Variants in TRMT44 observed in about 807,000 individuals in gnomAD.
The protein encoded by TRMT44 is tRNA methyltransferase 44 homolog.
A neutral mutation model predicts 77.3 loss-of-function variants in TRMT44; 78 were observed. That is an observed-to-expected ratio of 1.01 (90% CI 0.84 to 1.22). The LOEUF is 1.22. Ranked by LOEUF, TRMT44 falls within the 50% of genes most tolerant of loss-of-function variation. TRMT44 has a pLI of 0.00. For missense variants in TRMT44, 1,090 were observed against 964.4 expected (o/e 1.13, Z -1.73); for synonymous variants, 391 against 383.3 (o/e 1.02, Z -0.23).
intron 2 of TRMT44, among the ~76,000 whole-genome samples, chr4:8,490,612 T>C (rs1052178171): frequency 6.6e-6 from 1 of 152,090 alleles, no homozygotes; most frequent in Non-Finnish European, 1.5e-5. Context: ...GTGGTCTCTC[T>C]GGCTTCAGGA....
At chr4:8,470,695 G>A (rs1726921001) in intron 9 of TRMT44, among the ~76,000 whole-genome samples, 3 of 152,218 alleles carry the variant, frequency 2.0e-5, no homozygotes, top group Admixed American at 2.0e-4. Context: ...GGAAGGCTCA[G>A]GCCCCAGGCT....
intron 8 of TRMT44, among the ~76,000 whole-genome samples, chr4:8,466,980 C>T (rs904449601): frequency 3.9e-5 from 6 of 152,226 alleles, no homozygotes; most frequent in African/African-American, 1.4e-4. Flanking sequence ...TCACCCGCGC[C>T]TGGCCTTGTA....
At chr4:8,506,435 A>G in the TRMT44 span, among the ~76,000 whole-genome samples, 1 of 152,224 alleles carries the variant, frequency 6.6e-6, no homozygotes, top group African/African-American at 2.4e-5. Context: ...AAAACAAAGA[A>G]GCCCTCAGCC....
intron 2 of TRMT44, among the ~76,000 whole-genome samples, chr4:8,487,543 G>A (rs1312361466): frequency 4.0e-5 from 6 of 151,712 alleles, no homozygotes; most frequent in Non-Finnish European, 7.4e-5. Context: ...GTAAGAGGTC[G>A]GGCCATGGAA....
At chr4:8,501,393 G>A in the TRMT44 span, among the ~76,000 whole-genome samples, 1 of 152,130 alleles carries the variant, frequency 6.6e-6, no homozygotes, top group Non-Finnish European at 1.5e-5. This position sits in a 1 kb window ranked among gnomAD's most constrained non-coding sequence, Gnocchi z 4.4. Context: ...GGATGTCCTG[G>A]GTTCAAATTC....
At chr4:8,466,496 G>C (rs73213424) in intron 8 of TRMT44, among the ~76,000 whole-genome samples, 8,832 of 152,326 alleles carry the variant, frequency 0.058, 372 homozygotes, top group Non-Finnish European at 0.089. Context: ...AGCAGCGTTG[G>C]CTTGTGGCAC....
chr4:8,475,374 C>T (rs978655818), intron 10 of TRMT44, among the ~76,000 whole-genome samples: 7 of 152,324 alleles, frequency 4.6e-5, no homozygotes, highest in East Asian at 3.9e-4. Context: ...GAGGGAAGGT[C>T]GGTGGCCTCA....
intron 5 of TRMT44, chr4:8,454,429 C>T (rs1355082370): frequency 1.8e-5 from 6 of 330,254 alleles, no homozygotes; most frequent in African/African-American, 6.1e-5. Flanking sequence ...CTCTTAGAGG[C>T]GTAGGCAAAT....
chr4:8,441,771 T>G (rs1724723414), intron 1 of TRMT44, among the ~76,000 whole-genome samples: 1 of 152,112 alleles, frequency 6.6e-6, no homozygotes, highest in Admixed American at 6.5e-5. Context: ...GTACTCAAAG[T>G]CCGGTGGCGA....
At chr4:8,508,896 G>A in the TRMT44 span, 1 of 153,112 alleles carries the variant, frequency 6.5e-6, no homozygotes, top group African/African-American at 2.4e-5. Flanking sequence ...CCTACTTTGG[G>A]GCCCCTTCCT....
Position 8,449,651 on chromosome 4 carries a change from T to G in TRMT44, c.735-18T>G. 6.7e-7 allele frequency: 1 copy of G among 1,498,782 alleles called. No individual in the cohort carries two copies. Among genetic ancestry groups the G allele is most frequent in the Non-Finnish European group, 9.0e-7 (1 of 1,113,972 alleles). The allele number at this position is 1,498,782 out of a possible 1,614,324, so 92.8% of individuals were successfully genotyped here. On this transcript the variant is annotated intron_variant, in intron 2 of 10. Coordinates refer to ENST00000389737, the MANE Select transcript of TRMT44 (RefSeq NM_152544.3). The stretch of plus-strand genomic sequence containing the variant: ...TTGAACATATCTGTGCTTATTCATA[T>G]TTCTCTTATTTTTAAAGGTTCATAT...
chr4:8,469,004 G>A (rs1002698914), intron 9 of TRMT44, among the ~76,000 whole-genome samples: 3 of 152,202 alleles, frequency 2.0e-5, no homozygotes, highest in Non-Finnish European at 4.4e-5. Context: ...AGAAGAGCAC[G>A]GAGCCCCATC....
Position 8,452,996 on chromosome 4 carries a change from C to T in TRMT44, c.1131+7C>T. 6.8e-7 allele frequency: 1 copy of T among 1,474,670 alleles called. No homozygotes were observed. The highest frequency in any genetic ancestry group is 9.0e-7 in the Non-Finnish European group (1 of 1,110,542). 91.3% of individuals were successfully genotyped at this position (1,474,670 alleles called of 1,614,324 possible). Reference sequence around the variant, plus strand: ...CATCCTGAGCAGTGAGGGGGTAAGGCCCGGCTCCATCACCTTTTCTGGTAA... The same window carrying T: ...CATCCTGAGCAGTGAGGGGGTAAGGTCCGGCTCCATCACCTTTTCTGGTAA... On this transcript the variant is annotated splice_region_variant and intron_variant, in intron 5 of 10. Coordinates refer to ENST00000389737, the MANE Select transcript of TRMT44 (RefSeq NM_152544.3). The surrounding 1 kb of genome is among the most constrained non-coding windows in gnomAD (Gnocchi z 5.7).
the TRMT44 span, among the ~76,000 whole-genome samples, chr4:8,505,754 C>T: frequency 6.6e-6 from 1 of 152,208 alleles, no homozygotes; most frequent in Non-Finnish European, 1.5e-5. Context: ...TTGTAATCTG[C>T]AGGTGTTGAG....
chr4:8,481,734 CAG>C (rs1271596281), intron 2 of TRMT44, among the ~76,000 whole-genome samples: 4 of 152,218 alleles, frequency 2.6e-5, no homozygotes, highest in African/African-American at 9.6e-5. Context: ...TAGGCCTACA[CAG>C]AGTCAGGATC....
chr4:8,460,774 G>GCAAA (rs1726102627), intron 6 of TRMT44, among the ~76,000 whole-genome samples: 1 of 152,126 alleles, frequency 6.6e-6, no homozygotes, highest in Non-Finnish European at 1.5e-5. Context: ...GGCTGATCTG[G>GCAAA]CTCTGGCCTC....
chr4:8,472,712 G>C (rs1034227209), intron 10 of TRMT44, among the ~76,000 whole-genome samples: 4 of 152,182 alleles, frequency 2.6e-5, no homozygotes, highest in African/African-American at 4.8e-5. Flanking sequence ...TGTGTTTCTC[G>C]GGGCAGGCGC....
rs1261738557 is a variant in TRMT44 at position 8,491,511 on chromosome 4, G to C, written n.3892-1755G>C. 2.0e-5 allele frequency among the ~76,000 whole-genome samples: 3 copies of C among 152,368 alleles called. No individual in the cohort carries two copies. The East Asian group carries it at 5.8e-4, about 29-fold the overall frequency. ...CCGCACAGGAGCCCATGGAGTGGGT[G>C]GGAGGCTCAGGCATGGCGGGCTGCA... On this transcript the variant is annotated intron_variant and non_coding_transcript_variant, in intron 2 of 2. Coordinates refer to the TRMT44 transcript ENST00000511366.
the TRMT44 span, among the ~76,000 whole-genome samples, chr4:8,503,427 AGGACACT>A: frequency 2.0e-5 from 3 of 152,234 alleles, no homozygotes; most frequent in Non-Finnish European, 4.4e-5. Context: ...CCAGGTGTGG[AGGACACT>A]GGGCTGACAG....
Sources: gnomAD v4.1 joint callset for allele counts (sites outside exome capture counted in the v4.1 genomes callset) on GRCh38, gnomAD v4.1.1 for gene constraint, Gnocchi (gnomAD v3.1) non-coding constraint, MANE v1.5 for transcripts, NCBI Gene and HGNC (gene_info 2026-07-23, HGNC 2026-07-21) for gene names.